The following MAD1L1 variants were observed in gnomAD, a reference collection of about 807,000 sequenced individuals.
MAD1L1 encodes the protein mitotic spindle assembly checkpoint protein MAD1.
In MAD1L1, 95 loss-of-function variants were observed where a neutral mutation model predicts 96.9. The ratio of observed to expected loss-of-function variants is 0.98; its 90% confidence interval spans 0.83 to 1.16. The LOEUF (loss-of-function observed/expected upper bound fraction) is 1.16. Among genes scored for constraint, MAD1L1 ranks in the 50% most tolerant of loss-of-function variants. MAD1L1 has a pLI of 0.00. For synonymous variants in MAD1L1, 473 were observed against 396.6 expected (o/e 1.19, Z -2.29); for missense variants, 1,007 against 954.4 (o/e 1.06, Z -0.73).
intron 9 of MAD1L1, among the ~76,000 whole-genome samples, chr7:2,213,952 C>A (rs147220708): frequency 9.2e-5 from 14 of 152,278 alleles, no homozygotes; most frequent in African/African-American, 2.9e-4. Flanking sequence ...CACCCAGTGC[C>A]AAGCACCATG....
intron 5 of MAD1L1, 48 bp downstream of exon 5, chr7:2,222,527 C>A: frequency 2.0e-6 from 3 of 1,492,960 alleles, no homozygotes; most frequent in Non-Finnish European, 2.7e-6. Flanking sequence ...AGCATGCACT[C>A]CCTCTCCTCG....
At chr7:2,101,674 A>C (rs1231102510) in intron 11 of MAD1L1, among the ~76,000 whole-genome samples, 3 of 152,208 alleles carry the variant, frequency 2.0e-5, no homozygotes, top group Non-Finnish European at 2.9e-5. Flanking sequence ...GAGAGCCAGT[A>C]AAGAACAAAG....
Position 2,119,080 on chromosome 7 carries a change from G to C in MAD1L1, c.1073+30072C>G, listed in dbSNP as rs1029679454. 3.9e-5 allele frequency among the ~76,000 whole-genome samples: 6 copies of C among 151,996 alleles called. No individual in the cohort carries two copies. Among genetic ancestry groups the C allele is most frequent in the East Asian group, 1.9e-4 (1 of 5,158 alleles). Reference sequence around the variant, plus strand: ...CGGACAAGCAGGAGCGGCTGGGCTCGAGCTCCAGGGCTTCAGGGTGACTGC... The same window carrying C: ...CGGACAAGCAGGAGCGGCTGGGCTCCAGCTCCAGGGCTTCAGGGTGACTGC... On this transcript the variant is annotated intron_variant, in intron 11 of 18. Transcript: ENST00000265854. This position sits in a 1 kb window ranked among gnomAD's most constrained non-coding sequence, Gnocchi z 4.6.
At chr7:1,958,179 C>G (rs1469385530) in intron 15 of MAD1L1, among the ~76,000 whole-genome samples, 2 of 152,164 alleles carry the variant, frequency 1.3e-5, no homozygotes, top group African/African-American at 4.8e-5. Flanking sequence ...GTGGAAGAAG[C>G]TGATGACAGG....
chr7:2,040,773 A>G (rs1278529601), intron 12 of MAD1L1, among the ~76,000 whole-genome samples: 1 of 152,202 alleles, frequency 6.6e-6, no homozygotes, highest in Non-Finnish European at 1.5e-5. Flanking sequence ...GCAGAGGCTC[A>G]CTATGCTCAT....
At chr7:1,888,170 C>T (rs1306426027) in intron 18 of MAD1L1, among the ~76,000 whole-genome samples, 3 of 140,732 alleles carry the variant, frequency 2.1e-5, no homozygotes, top group Non-Finnish European at 4.6e-5. Context: ...ATGTGTGCAG[C>T]TGCCTGTGCG....
intron 16 of MAD1L1, among the ~76,000 whole-genome samples, chr7:1,941,331 T>G (rs1201985313): frequency 1.3e-5 from 2 of 151,802 alleles, no homozygotes; most frequent in Non-Finnish European, 2.9e-5. Context: ...CGGCCCATCA[T>G]CCTGGGATGA....
chr7:1,917,717 A>G (rs539963088), intron 17 of MAD1L1, among the ~76,000 whole-genome samples: 6 of 152,330 alleles, frequency 3.9e-5, no homozygotes, highest in African/African-American at 1.4e-4. Flanking sequence ...AGGGCTCCTC[A>G]GCAGTCCCTG....
In MAD1L1 at chr7:2,143,642, C is replaced by G. The variant is rs532849805; in HGVS notation, c.1073+5510G>C. 2.0e-5 allele frequency among the ~76,000 whole-genome samples: 3 copies of G among 152,074 alleles called. No individual in the cohort carries two copies. The East Asian group carries it at 5.9e-4, about 30-fold the overall frequency. On this transcript the variant is annotated intron_variant, in intron 11 of 18. Transcript: ENST00000265854. Reference sequence around the variant, plus strand: ...ACGCTGCCCAGGCCCCTGATGGCAGCAGTAGATGAAACAGGCCAGGCCCAG... The same window carrying G: ...ACGCTGCCCAGGCCCCTGATGGCAGGAGTAGATGAAACAGGCCAGGCCCAG...
At chr7:2,210,119 GACTC>G (rs1792832811) in intron 10 of MAD1L1, 3 of 152,214 alleles carry the variant, frequency 2.0e-5, no homozygotes, top group South Asian at 2.1e-4. Context: ...TAGAGACAGG[GACTC>G]ACTCAGTCAC....
At chr7:2,211,987 C>T (rs73041356) in intron 10 of MAD1L1, among the ~76,000 whole-genome samples, 1,832 of 152,298 alleles carry the variant, frequency 0.012, 27 homozygotes, top group Non-Finnish European at 0.02. Flanking sequence ...CCCTGAGCCC[C>T]GGGCTCTGAT....
At chr7:2,117,618 C>G (rs1390454076) in intron 11 of MAD1L1, among the ~76,000 whole-genome samples, 1 of 152,204 alleles carries the variant, frequency 6.6e-6, no homozygotes, top group Non-Finnish European at 1.5e-5. Context: ...CTCGGCACTT[C>G]TCCTTCCTGT....
At chr7:1,995,364 T>G (rs932271296) in intron 14 of MAD1L1, among the ~76,000 whole-genome samples, 19 of 152,156 alleles carry the variant, frequency 1.2e-4, no homozygotes, top group African/African-American at 4.6e-4. Flanking sequence ...CAGAACAGCC[T>G]GGATCTTCCC....
At chr7:1,897,210 C>A (rs936358032) in intron 18 of MAD1L1, among the ~76,000 whole-genome samples, 1 of 152,246 alleles carries the variant, frequency 6.6e-6, no homozygotes, top group East Asian at 1.9e-4. Context: ...GAGACGCTGA[C>A]GGACATGCGT....
intron 12 of MAD1L1, among the ~76,000 whole-genome samples, chr7:2,058,720 C>A (rs537239497): frequency 3.6e-5 from 3 of 82,798 alleles, no homozygotes; most frequent in Non-Finnish European, 4.8e-5. Context: ...AGAGGAGAGG[C>A]GCAGGGCTGG....
chr7:2,080,410 G>A (rs1584271000), intron 11 of MAD1L1, among the ~76,000 whole-genome samples: 1 of 152,182 alleles, frequency 6.6e-6, no homozygotes, highest in Non-Finnish European at 1.5e-5. Flanking sequence ...GAGGCCGGGC[G>A]ACTGCATGTC....
intron 11 of MAD1L1, among the ~76,000 whole-genome samples, chr7:2,107,980 CCCCA>C (rs1403092121): frequency 2.6e-5 from 4 of 152,004 alleles, no homozygotes; most frequent in Admixed American, 2.6e-4. Context: ...ACCGGCACCC[CCCCA>C]CCCCCCACCA....
At chr7:2,089,870 T>TA (rs1466791496) in intron 11 of MAD1L1, among the ~76,000 whole-genome samples, 1 of 152,210 alleles carries the variant, frequency 6.6e-6, no homozygotes, top group Admixed American at 6.5e-5. Flanking sequence ...AAGGCCAGGC[T>TA]AACACACACC....
chr7:2,007,186 C>T (rs936657415), intron 13 of MAD1L1, among the ~76,000 whole-genome samples: 1 of 152,178 alleles, frequency 6.6e-6, no homozygotes, highest in African/African-American at 2.4e-5. Context: ...GCACGGGAAA[C>T]GCTGGGCACG....
Sources: allele counts gnomAD v4.1 joint callset (sites outside exome capture counted in the v4.1 genomes callset), GRCh38; gene constraint gnomAD v4.1.1; non-coding constraint Gnocchi (gnomAD v3.1); transcripts MANE v1.5; gene names NCBI Gene and HGNC (gene_info 2026-07-23, HGNC 2026-07-21).